The following TEX14 variants were observed in gnomAD, a reference collection of about 807,000 sequenced individuals.
TEX14 encodes the protein inactive serine/threonine-protein kinase TEX14.
TEX14 carries 168 observed loss-of-function variants against 178.6 expected under a neutral mutation model. The ratio of observed to expected loss-of-function variants is 0.94; its 90% CI spans 0.83 to 1.07. TEX14 has a LOEUF of 1.07. TEX14 is among the 50% of genes least tolerant of loss of function. The pLI is 0.00. For missense variants in TEX14, 1,730 were observed against 1,753.6 expected (o/e 0.99, Z 0.24); for synonymous variants, 626 against 634.1 (o/e 0.99, Z 0.19).
At chr17:58,636,529 T>C (rs1201999066) in intron 2 of TEX14, among the ~76,000 whole-genome samples, 1 of 152,244 alleles carries the variant, frequency 6.6e-6, no homozygotes, top group Admixed American at 6.5e-5. Context: ...TTATTATCAC[T>C]GTTTTGTAGA....
At position 58,661,167 on chromosome 17, in the gene TEX14, T is replaced by C. The variant is rs200809801; in HGVS notation, c.-1-9165A>G. ...ATAGCAACGAGGCTAGGATAAGCCG[T>C]GGAGGTAATAGCACCGTGATTTTCA... On this transcript the variant is annotated intron_variant, in intron 1 of 31. Coordinates refer to ENST00000349033, the MANE Select transcript of TEX14 (RefSeq NM_031272.5). 1.3e-3 allele frequency: 1,053 copies of C among 811,630 alleles called. 2 individuals are homozygous for C. The highest frequency in any genetic ancestry group is 4.9e-3 in the Middle Eastern group (22 of 4,504). 50.3% of individuals were successfully genotyped at this position (811,630 alleles called of 1,614,324 possible).
intron 10 of TEX14, among the ~76,000 whole-genome samples, chr17:58,605,445 C>G (rs1272477261): frequency 3.9e-5 from 6 of 152,196 alleles, no homozygotes; most frequent in Admixed American, 3.9e-4. Context: ...TTTGTGAAAA[C>G]TTTGCCTCTG....
chr17:58,557,561 G>A (rs551882154), intron 31 of TEX14, among the ~76,000 whole-genome samples: 150 of 152,242 alleles, frequency 9.9e-4, no homozygotes, highest in African/African-American at 3.4e-3. Context: ...ATGAGCCACC[G>A]TGCCTGGCCT....
At chr17:58,652,080 G>C in intron 1 of TEX14, 78 bp from the exon 2 acceptor site, 1 of 1,187,466 alleles carries the variant, frequency 8.4e-7, no homozygotes, top group African/African-American at 1.5e-5. Flanking sequence ...TTTACATTTA[G>C]AAACCTGTCC....
intron 29 of TEX14, among the ~76,000 whole-genome samples, chr17:58,560,759 T>C (rs1358064800): frequency 6.6e-6 from 1 of 152,242 alleles, no homozygotes; most frequent in African/African-American, 2.4e-5. Context: ...TTTGTTAATA[T>C]CCCTTTTAAA....
intron 3 of TEX14, among the ~76,000 whole-genome samples, chr17:58,623,749 G>A (rs1451470112): frequency 3.0e-5 from 4 of 133,318 alleles, no homozygotes; most frequent in Admixed American, 2.6e-4. Flanking sequence ...AAAAAAAGAA[G>A]AAGAAAGAAG....
chr17:58,574,131 C>T, intron 22 of TEX14, 56 bp downstream of exon 22: 1 of 1,360,696 alleles, frequency 7.3e-7, no homozygotes, highest in Non-Finnish European at 1.1e-6. Context: ...TATACTATTC[C>T]CTTAAAACCA....
chr17:58,631,673 G>A (rs411988), intron 2 of TEX14: 72,941 of 150,590 alleles, frequency 0.48, 18,337 homozygotes, highest in Middle Eastern at 0.57. Flanking sequence ...GAGAAGAACG[G>A]TCACCAACAG....
chr17:58,574,721 C>CTGTA, intron 21 of TEX14, among the ~76,000 whole-genome samples: 1 of 140,380 alleles, frequency 7.1e-6, no homozygotes, highest in Non-Finnish European at 1.5e-5. Context: ...CTGGTTCTGG[C>CTGTA]TGTACTACTA....
intron 1 of TEX14, among the ~76,000 whole-genome samples, chr17:58,669,114 G>A (rs2047260985): frequency 6.6e-6 from 1 of 152,154 alleles, no homozygotes; most frequent in Non-Finnish European, 1.5e-5. Flanking sequence ...CACTTTGGGA[G>A]GGTGAGGTGG....
chr17:58,564,013 C>A (rs1452497436), intron 28 of TEX14: 6 of 151,890 alleles, frequency 4.0e-5, no homozygotes, highest in African/African-American at 1.2e-4. Flanking sequence ...CCTCCACCCC[C>A]ACAAAAAGAG....
At chr17:58,574,826 T>TA (rs1375174100) in intron 21 of TEX14, among the ~76,000 whole-genome samples, 6 of 152,088 alleles carry the variant, frequency 3.9e-5, no homozygotes, top group African/African-American at 1.4e-4. Flanking sequence ...TTAAAGACTC[T>TA]ATACGACTGT....
intron 29 of TEX14, among the ~76,000 whole-genome samples, chr17:58,559,920 A>C (rs896023555): frequency 2.6e-5 from 4 of 152,198 alleles, no homozygotes; most frequent in Admixed American, 6.5e-5. Flanking sequence ...TCCAAAGGAA[A>C]AAAAAGGCAT....
At chr17:58,598,594 G>A (rs762715217) in intron 14 of TEX14, among the ~76,000 whole-genome samples, 3 of 152,156 alleles carry the variant, frequency 2.0e-5, no homozygotes, top group Non-Finnish European at 4.4e-5. Flanking sequence ...GAGTATCTAC[G>A]TTGGAATTCC....
chr17:58,670,764 C>A (rs1455610240), intron 1 of TEX14, among the ~76,000 whole-genome samples: 2 of 91,380 alleles, frequency 2.2e-5, no homozygotes, highest in African/African-American at 9.0e-5. Flanking sequence ...CAGAGTGAGA[C>A]TCCCTCTTAA....
intron 14 of TEX14, 111 bp from the exon 15 acceptor site, chr17:58,593,772 C>T: frequency 1.1e-6 from 1 of 879,362 alleles, no homozygotes. Flanking sequence ...ATAACCAGAC[C>T]TACCAGGATT....
chr17:58,568,184 C>T (rs1331536899), intron 26 of TEX14, among the ~76,000 whole-genome samples: 1 of 152,142 alleles, frequency 6.6e-6, no homozygotes, highest in Non-Finnish European at 1.5e-5. Context: ...GACCCAACAA[C>T]CCTGTGACTC....
At chr17:58,589,277 T>C (rs941470531) in intron 15 of TEX14, among the ~76,000 whole-genome samples, 3 of 145,734 alleles carry the variant, frequency 2.1e-5, no homozygotes, top group South Asian at 2.2e-4. Context: ...GAAAAAAAAG[T>C]GTAGGCTGGG....
chr17:58,628,301 C>T (rs940797306), intron 3 of TEX14, among the ~76,000 whole-genome samples: 9 of 152,076 alleles, frequency 5.9e-5, no homozygotes, highest in African/African-American at 1.7e-4. Flanking sequence ...AAAAGCTGCT[C>T]GGCACGGTGG....
Sources: gnomAD v4.1 joint callset for allele counts (sites outside exome capture counted in the v4.1 genomes callset) on GRCh38, gnomAD v4.1.1 for gene constraint, MANE v1.5 for transcripts, NCBI Gene and HGNC (gene_info 2026-07-23, HGNC 2026-07-21) for gene names.